The following FSCN2 variants were observed in gnomAD, a reference collection of about 807,000 sequenced individuals.
FSCN2 encodes the protein fascin actin-bundling protein 2, retinal.
FSCN2 carries 46 observed loss-of-function variants against 37.8 expected under a neutral mutation model. The observed-to-expected ratio is 1.22, with a 90% CI of 0.96 to 1.56. FSCN2 has a LOEUF of 1.56. Among genes scored for constraint, FSCN2 ranks in the 40% most tolerant of loss-of-function variants. FSCN2 has a pLI of 0.00. For synonymous variants in FSCN2, 351 were observed against 309.4 expected (o/e 1.13, Z -1.41); for missense variants, 844 against 730.4 (o/e 1.16, Z -1.79).
intron 1 of FSCN2, among the ~76,000 whole-genome samples, chr17:81,531,084 T>G (rs115872385): frequency 0.076 from 11,493 of 152,118 alleles, 1,290 homozygotes; most frequent in African/African-American, 0.24. Context: ...TGTGGTGTGA[T>G]GTGCATGGTG....
chr17:81,536,873 A>G lies in FSCN2; in HGVS notation c.1274-2A>G. The stretch of plus-strand genomic sequence containing the variant: ...CCCCGCCGACGCCGTCCCGTCCCCC[A>G]GGCCGCGACGGAGGGTTCTGGTACA... On this transcript the variant is annotated splice_acceptor_variant, in intron 4 of 4. Transcript: ENST00000417245. LOFTEE classifies it high-confidence loss of function. 1 of 1,567,502 alleles carries G rather than the reference A, an allele frequency of 6.4e-7. No homozygotes were observed. The highest frequency in any genetic ancestry group is 8.6e-7 in the Non-Finnish European group (1 of 1,156,314).
chr17:81,534,436 G>A (rs745487193), intron 1 of FSCN2, among the ~76,000 whole-genome samples: 2 of 152,160 alleles, frequency 1.3e-5, no homozygotes, highest in Non-Finnish European at 2.9e-5. Flanking sequence ...TTAGTTCACA[G>A]AAGATCCTGG....
intron 1 of FSCN2, chr17:81,530,755 C>T (rs1223345819): frequency 2.8e-6 from 1 of 358,458 alleles, no homozygotes. Context: ...CCAGCCATGG[C>T]TATGGGGTCC....
chr17:81,531,089 A>G (rs114358134), intron 1 of FSCN2, among the ~76,000 whole-genome samples: 12,117 of 152,100 alleles, frequency 0.08, 1,435 homozygotes, highest in African/African-American at 0.25. Flanking sequence ...TGTGATGTGC[A>G]TGGTGGCGTG....
intron 1 of FSCN2, among the ~76,000 whole-genome samples, chr17:81,531,555 ATGATGGTGATGATAG>A (rs1340580216): frequency 3.2e-5 from 3 of 94,626 alleles, no homozygotes; most frequent in East Asian, 3.3e-4. Context: ...GGTGATGGCG[ATGATGGTGATGATAG>A]TGATGGTGAT....
Position 81,528,519 on chromosome 17 carries a change from G to A in FSCN2, c.-13G>A, listed in dbSNP as rs782007616. The A allele has an allele frequency of 1.3e-5, 20 of 1,572,640 alleles. No homozygotes were observed. The highest frequency in any genetic ancestry group is 2.7e-5 in the African/African-American group (2 of 73,916). ...GCATCCCAGGCCCCTCCGGGGACCC[G>A]GCCAGCCTGAAGATGCCGACGAACG... On this transcript the variant is annotated 5_prime_UTR_variant, in exon 1 of 5. Coordinates refer to ENST00000417245, the MANE Select transcript of FSCN2 (RefSeq NM_012418.4).
Position 81,532,158 on chromosome 17 carries a change from ATGATGGTGATGGTGG to A in FSCN2, c.826+2804_826+2818del, listed in dbSNP as rs1568078764. Reference sequence around the variant, plus strand: ...GATGGTGATGATGGTGATGGTGATGATGATGGTGATGGTGGTGGTGATGGTGGTGGTGATGGTGGT... The same window carrying A: ...GATGGTGATGATGGTGATGGTGATGATGGTGATGGTGGTGGTGATGGTGGT... On this transcript the variant is annotated intron_variant, in intron 1 of 4. Transcript: ENST00000417245. Among the ~76,000 whole-genome samples, 105 of 114,312 alleles carry A rather than the reference ATGATGGTGATGGTGG, an allele frequency of 9.2e-4. 1 individual carries two copies. Among genetic ancestry groups the A allele is most frequent in the African/African-American group, 3.9e-3 (100 of 25,584 alleles). The allele number at this position is 114,312 out of a possible 152,430, so 75.0% of individuals were successfully genotyped here.
chr17:81,525,052 C>T (rs537091352), upstream of FSCN2, among the ~76,000 whole-genome samples: 242 of 152,254 alleles, frequency 1.6e-3, no homozygotes, highest in Middle Eastern at 0.02. Flanking sequence ...CCCAGGAGTT[C>T]GGGGCTGCCA....
rs782774969 is a variant in FSCN2, at chr17:81,528,597, C to T, written c.66C>T (p.Arg22=). 1.2e-6 allele frequency: 2 copies of T among 1,609,184 alleles called. No homozygotes were observed. Among genetic ancestry groups the T allele is most frequent in the South Asian group, 2.2e-5 (2 of 90,358 alleles). Reference sequence around the variant, plus strand: ...TTGGCCTCGTCAACGACACTGACCGCTACCTGACAGCTGAGAGCTTCGGCT... The same window carrying T: ...TTGGCCTCGTCAACGACACTGACCGTTACCTGACAGCTGAGAGCTTCGGCT... The part of the protein sequence containing the change: ...IQFGLVNDTD[R]YLTAESFGFK... The change falls in exon 1 of 5, where the codon CGC becomes CGT. Residue 22 remains arginine (R), a synonymous_variant. Coordinates refer to ENST00000417245, the MANE Select transcript of FSCN2 (RefSeq NM_012418.4).
chr17:81,528,415 G>T lies in FSCN2; in HGVS notation c.-117G>T, dbSNP rs2032418825. ...AGCAGGCAGGGGGTTCGTGACGCCG[G>T]CTGGGTCTGGGGGCTGTGGGCCAGC... On this transcript the variant is annotated 5_prime_UTR_variant, in exon 1 of 5. Coordinates refer to ENST00000417245, the MANE Select transcript of FSCN2 (RefSeq NM_012418.4). The T allele has an allele frequency of 8.1e-6, 6 of 739,696 alleles. No homozygotes were observed. The highest frequency in any genetic ancestry group is 1.1e-5 in the Non-Finnish European group (5 of 454,104). The allele number at this position is 739,696 out of a possible 1,614,324, so 45.8% of individuals were successfully genotyped here.
Position 81,528,842 on chromosome 17 carries a change from C to A in FSCN2, c.311C>A (p.Ser104Tyr). 2 of 1,554,648 alleles carry A rather than the reference C, an allele frequency of 1.3e-6. No individual in the cohort carries two copies. Among genetic ancestry groups the A allele is most frequent in the Non-Finnish European group, 1.7e-6 (2 of 1,152,236 alleles). The change falls in exon 1 of 5, where the codon TCC (serine) becomes TAC (tyrosine). Residue 104 changes from serine to tyrosine, a missense_variant. Ser to Tyr is a moderately radical substitution (Grantham distance 144, BLOSUM62 -2). Coordinates refer to ENST00000417245, the MANE Select transcript of FSCN2 (RefSeq NM_012418.4). ...CCAGATGGGCGCTGGGTGCTGCGGTCCGAGCCGCACGGCCGCTTCTTCGGA... is the reference window on the plus strand; with the variant it reads ...CCAGATGGGCGCTGGGTGCTGCGGTACGAGCCGCACGGCCGCTTCTTCGGA... ...PQPDGRWVLR[S>Y]EPHGRFFGGT... is the part of the protein sequence containing the mutation.
intron 1 of FSCN2, among the ~76,000 whole-genome samples, chr17:81,529,936 A>T (rs948359929): frequency 3.5e-4 from 53 of 152,194 alleles, no homozygotes; most frequent in Non-Finnish European, 5.9e-4. Flanking sequence ...CAGCCTCCCG[A>T]GTAGCTGGGA....
chr17:81,530,333 C>T (rs782628512), intron 1 of FSCN2, among the ~76,000 whole-genome samples: 3 of 152,328 alleles, frequency 2.0e-5, no homozygotes, highest in East Asian at 1.9e-4. Flanking sequence ...CCCAGTGGGG[C>T]GTGGCCTGGC....
At chr17:81,535,292 C>G in intron 2 of FSCN2, 84 bp downstream of exon 2, 1 of 770,176 alleles carries the variant, frequency 1.3e-6, no homozygotes, top group Non-Finnish European at 2.0e-6. Flanking sequence ...CCATCCGCAT[C>G]CCCATCTCCA....
At chr17:81,526,720 G>A (rs563602280), upstream of FSCN2, among the ~76,000 whole-genome samples, 10 of 152,320 alleles carry the variant, frequency 6.6e-5, no homozygotes, top group East Asian at 1.2e-3. Context: ...CCCTGGCATC[G>A]GTGCTAGGCC....
intron 1 of FSCN2, among the ~76,000 whole-genome samples, chr17:81,532,356 G>GTGA (rs1486780424): frequency 1.7e-5 from 2 of 116,408 alleles, no homozygotes; most frequent in African/African-American, 3.8e-5. Context: ...GATAGTGATG[G>GTGA]TGGTGATGGT....
chr17:81,537,070 G>C lies in FSCN2; in HGVS notation c.1469G>C (p.Trp490Ser). Residue 490 changes from tryptophan (W) to serine (S), a missense_variant, in exon 5 of 5, where the codon TGG becomes TCG. Transcript: ENST00000417245. ...DADAPAGTAL[W>S]EY is the part of the protein sequence containing the mutation. ...GACGCCCCGGCCGGGACCGCGCTTT[G>C]GGAGTACTGAGGCCGCGCCCAGACC... 6.9e-7 allele frequency: 1 copy of C among 1,452,990 alleles called. No individual in the cohort carries two copies. The highest frequency in any genetic ancestry group is 2.8e-5 in the Admixed American group (1 of 35,732). 90.0% of individuals were successfully genotyped at this position (1,452,990 alleles called of 1,614,324 possible).
intron 1 of FSCN2, among the ~76,000 whole-genome samples, chr17:81,531,810 A>ATGGTGGTGGTGATGG (rs1288362423): frequency 2.5e-5 from 2 of 80,748 alleles, no homozygotes; most frequent in Admixed American, 1.2e-4. Context: ...AATGGTGATG[A>ATGGTGGTGGTGATGG]TGGTGGTGGT....
At chr17:81,528,022 C>T (rs782041837), upstream of FSCN2, among the ~76,000 whole-genome samples, 9 of 151,976 alleles carry the variant, frequency 5.9e-5, no homozygotes, top group African/African-American at 1.7e-4. Flanking sequence ...GCGGCCGAGC[C>T]GTGAGCGTTC....
Sources: gnomAD v4.1 joint callset for allele counts (sites outside exome capture counted in the v4.1 genomes callset) on GRCh38, gnomAD v4.1.1 for gene constraint, MANE v1.5 for transcripts, NCBI Gene and HGNC (gene_info 2026-07-23, HGNC 2026-07-21) for gene names.